Variants in CALD1 observed in about 807,000 individuals in gnomAD.
CALD1 encodes caldesmon 1.
Under a neutral mutation model 99.9 loss-of-function variants are expected in CALD1, and 33 were observed. The ratio of observed to expected loss-of-function variants is 0.33; its 90% CI spans 0.25 to 0.44. The LOEUF (loss-of-function observed/expected upper bound fraction) is 0.44, where lower values mean the gene tolerates loss of function less well. Ranked by LOEUF, CALD1 falls within the 20% of genes least tolerant of loss-of-function variation. The pLI, the probability that CALD1 is intolerant of heterozygous loss-of-function variation, is 1.00. For synonymous variants in CALD1, 310 were observed against 325.0 expected (o/e 0.95, Z 0.50); for missense variants, 861 against 962.1 (o/e 0.89, Z 1.39).
chr7:134,756,450 G>C (rs1046260232), intron 1 of CALD1, among the ~76,000 whole-genome samples: 5 of 151,910 alleles, frequency 3.3e-5, no homozygotes, highest in Admixed American at 3.3e-4. Flanking sequence ...TTTAGCTACA[G>C]TAGTCATGGG....
chr7:134,960,846 C>T lies in CALD1; in HGVS notation c.2295+218C>T, dbSNP rs1808207683. 6 of 417,926 alleles carry T rather than the reference C, an allele frequency of 1.4e-5. No homozygotes were observed. The South Asian group carries it at 2.0e-4, about 14-fold the overall frequency. 25.9% of individuals were successfully genotyped at this position (417,926 alleles called of 1,614,324 possible). On this transcript the variant is annotated intron_variant, in intron 13 of 14. Coordinates refer to ENST00000361675, the MANE Select transcript of CALD1 (RefSeq NM_033138.4). ...AAATGGAACCAAATAATCACCTCTA[C>T]ACCCTAACTGAGAGGAGGAATCAGC...
rs1799749765 is a variant in CALD1, at chr7:134,843,953, G to C, written c.-60G>C. On this transcript the variant is annotated 5_prime_UTR_variant, in exon 2 of 15. Coordinates refer to ENST00000361675, the MANE Select transcript of CALD1 (RefSeq NM_033138.4). ...GATTGGTGACCAACCAGAAGGCTCA[G>C]ACATCTGATTGCTGACCTGTGAGTA... is the stretch of plus-strand genomic sequence containing the variant. The C allele has an allele frequency of 6.6e-6, 1 of 152,158 alleles. No homozygotes were observed. The highest frequency in any genetic ancestry group is 2.1e-4 in the South Asian group (1 of 4,824). The allele number at this position is 152,158 out of a possible 1,614,324, so 9.4% of individuals were successfully genotyped here.
chr7:134,941,065 T>C (rs1209680428), intron 6 of CALD1, 27 bp from the exon 7 acceptor site: 9 of 1,567,636 alleles, frequency 5.7e-6, no homozygotes, highest in Non-Finnish European at 6.9e-6. Context: ...CTTGTTCTGT[T>C]TCTTCCTGAT....
intron 13 of CALD1, 147 bp downstream of exon 13, chr7:134,960,775 A>G (rs1808205273): frequency 1.7e-6 from 1 of 600,758 alleles, no homozygotes; most frequent in South Asian, 2.0e-5. Flanking sequence ...AAGTGTTCAG[A>G]TTTACAACAG....
At chr7:134,868,035 A>G in intron 3 of CALD1, 1 of 323,214 alleles carries the variant, frequency 3.1e-6, no homozygotes, top group East Asian at 5.6e-5. Flanking sequence ...TGATAACTGC[A>G]TATTGATAAT....
intron 2 of CALD1, among the ~76,000 whole-genome samples, chr7:134,855,631 G>A (rs1192936511): frequency 1.3e-5 from 2 of 152,214 alleles, no homozygotes; most frequent in African/African-American, 2.4e-5. Flanking sequence ...CTTTTGGTAG[G>A]CCACATGTAG....
At chr7:134,859,580 G>C (rs1415219804) in intron 2 of CALD1, among the ~76,000 whole-genome samples, 1 of 152,192 alleles carries the variant, frequency 6.6e-6, no homozygotes, top group Non-Finnish European at 1.5e-5. Context: ...TTAGAAATTA[G>C]TCTAAATGCC....
intron 3 of CALD1, among the ~76,000 whole-genome samples, chr7:134,888,319 G>A (rs1219503345): frequency 6.6e-6 from 1 of 152,192 alleles, no homozygotes; most frequent in East Asian, 1.9e-4. Flanking sequence ...TGGCCCACTT[G>A]TTCATGGTGC....
chr7:134,939,149 G>T (rs1806230583), intron 6 of CALD1, among the ~76,000 whole-genome samples: 1 of 152,176 alleles, frequency 6.6e-6, no homozygotes, highest in Non-Finnish European at 1.5e-5. Flanking sequence ...AATATATTTT[G>T]TTTCCTCCTT....
chr7:134,773,566 AT>A (rs1403893212), intron 1 of CALD1, among the ~76,000 whole-genome samples: 3 of 151,908 alleles, frequency 2.0e-5, no homozygotes, highest in Non-Finnish European at 4.4e-5. Flanking sequence ...TGCCCAGTTG[AT>A]TTTTCTAAAC....
At chr7:134,919,909 T>C (rs1341416510) in intron 3 of CALD1, among the ~76,000 whole-genome samples, 1 of 152,236 alleles carries the variant, frequency 6.6e-6, no homozygotes, top group Non-Finnish European at 1.5e-5. Context: ...TATTCTGATA[T>C]GAAAAATATT....
chr7:134,881,163 C>A (rs1478472328), intron 3 of CALD1, among the ~76,000 whole-genome samples: 1 of 152,148 alleles, frequency 6.6e-6, no homozygotes, highest in Non-Finnish European at 1.5e-5. Flanking sequence ...AATTAACATA[C>A]ACTCTCTTTC....
rs1382993526 is a variant in CALD1, at chr7:134,853,415, A to C, written c.-42+9444A>C. ...GTTCCCCGTATGAATTCATGTCTCTATATATATTAATGTCATTCCTTTTGG... is the reference window on the plus strand; with the variant it reads ...GTTCCCCGTATGAATTCATGTCTCTCTATATATTAATGTCATTCCTTTTGG... On this transcript the variant is annotated intron_variant, in intron 2 of 14. Transcript: ENST00000361675. Among the ~76,000 whole-genome samples, 19 of 152,338 alleles carry C rather than the reference A, an allele frequency of 1.2e-4. No individual in the cohort carries two copies. In the South Asian group the frequency reaches 1.9e-3, roughly 15 times the overall value.
chr7:134,854,690 G>A (rs190861803), intron 2 of CALD1, among the ~76,000 whole-genome samples: 78 of 152,308 alleles, frequency 5.1e-4, no homozygotes, highest in African/African-American at 1.6e-3. Context: ...CAGGGCCATA[G>A]CTTAGGATTT....
Position 134,933,292 on chromosome 7 carries a change from A to C in CALD1, c.523A>C (p.Asn175His). The C allele has an allele frequency of 6.2e-7, 1 of 1,606,010 alleles. No homozygotes were observed. Among genetic ancestry groups the C allele is most frequent in the South Asian group, 1.1e-5 (1 of 89,464 alleles). ...AACAGTCACCAAGTCCTACCAGAAG[A>C]ATGATTGGAGGGATGCTGAAGAAAA... Reference protein sequence around the residue: ...TETVTKSYQKNDWRDAEENKK... With the variant: ...TETVTKSYQKHDWRDAEENKK... The change falls in exon 5 of 15, where the codon AAT becomes CAT. Residue 175 changes from asparagine to histidine, a missense_variant. Physicochemically the swap from Asn to His is moderately conservative, Grantham distance 68. This residue lies in a region of CALD1 where 234 missense variants were observed against 233.1 expected (regional missense o/e 1.00). Transcript: ENST00000361675.
chr7:134,774,000 C>T (rs1796898218), intron 1 of CALD1, among the ~76,000 whole-genome samples: 2 of 152,014 alleles, frequency 1.3e-5, no homozygotes, highest in South Asian at 4.1e-4. Context: ...GAAACCCCGT[C>T]TCTACTAAAA....
At chr7:134,711,696 G>A in the CALD1 span, among the ~76,000 whole-genome samples, 1,969 of 127,018 alleles carry the variant, frequency 0.016, 76 homozygotes, top group East Asian at 0.12. Context: ...GTGTGTGTGT[G>A]TGTGTGTGTG....
chr7:134,749,349 G>GT (rs1463897468), intron 1 of CALD1, among the ~76,000 whole-genome samples: 1 of 152,216 alleles, frequency 6.6e-6, no homozygotes, highest in Non-Finnish European at 1.5e-5. Flanking sequence ...GCCGGGCATG[G>GT]TGGCTCACGC....
At chr7:134,938,048 T>G (rs1241010856) in intron 6 of CALD1, among the ~76,000 whole-genome samples, 1 of 152,160 alleles carries the variant, frequency 6.6e-6, no homozygotes, top group Non-Finnish European at 1.5e-5. Flanking sequence ...CAAACATTAG[T>G]GTGCATGCAA....
Sources: gnomAD v4.1 joint callset for allele counts (sites outside exome capture counted in the v4.1 genomes callset) on GRCh38, gnomAD v4.1.1 for gene constraint, gnomAD v4.1.1 regional missense constraint, MANE v1.5 for transcripts, NCBI Gene and HGNC (gene_info 2026-07-23, HGNC 2026-07-21) for gene names.